The following BCL2L13 variants were observed in gnomAD, a reference collection of about 807,000 sequenced individuals.
BCL2L13 encodes bcl-2-like protein 13.
BCL2L13 carries 13 observed loss-of-function variants against 25.8 expected under a neutral mutation model. That is an observed-to-expected ratio of 0.50 (90% CI 0.33 to 0.80). BCL2L13 has a LOEUF of 0.80. Ranked by LOEUF, BCL2L13 falls within the 30% of genes least tolerant of loss-of-function variation. BCL2L13 has a pLI of 0.02. For missense variants in BCL2L13, 504 were observed against 574.9 expected, an observed-to-expected ratio of 0.88 and a Z score of 1.26; for synonymous variants, 244 against 230.3, an observed-to-expected ratio of 1.06 and a Z score of -0.54.
chr22:17,690,240 C>T (rs1275955836), intron 4 of BCL2L13, among the ~76,000 whole-genome samples: 2 of 151,946 alleles, frequency 1.3e-5, no homozygotes, highest in Non-Finnish European at 2.9e-5. Context: ...GCAGGAGTAT[C>T]GCTTGAACCC....
At chr22:17,710,495 G>A (rs1000680256) in intron 6 of BCL2L13, among the ~76,000 whole-genome samples, 6 of 152,072 alleles carry the variant, frequency 3.9e-5, no homozygotes, top group East Asian at 1.9e-4. Context: ...CAGGGGAATC[G>A]CTTGAACTTG....
At chr22:17,675,926 GAC>G (rs1370140885) in intron 2 of BCL2L13, among the ~76,000 whole-genome samples, 1 of 152,178 alleles carries the variant, frequency 6.6e-6, no homozygotes. Flanking sequence ...TATCTAAACT[GAC>G]AGAGGTTGTC....
In BCL2L13 at chr22:17,727,938, G is replaced by A. The variant is rs2587100; in HGVS notation, c.*404G>A. ...GTCTCTAGACATTGCCAAATGTCCC[G>A]TGTGAACATCCCCTATTGAGACCCA... On this transcript the variant is annotated 3_prime_UTR_variant, in exon 7 of 7. Transcript: ENST00000317582. The A allele has an allele frequency of 1.5e-4, 31 of 209,438 alleles. No individual in the cohort carries two copies. Among genetic ancestry groups the A allele is most frequent in the South Asian group, 3.8e-4 (4 of 10,472 alleles). 13.0% of individuals were successfully genotyped at this position (209,438 alleles called of 1,614,324 possible). A position where few individuals can be genotyped will look rare whatever the true frequency, so the allele number is the denominator to read the frequency against.
At chr22:17,641,989 C>CG (rs1163295055) in intron 1 of BCL2L13, among the ~76,000 whole-genome samples, 5 of 151,438 alleles carry the variant, frequency 3.3e-5, no homozygotes, top group Non-Finnish European at 5.9e-5. Flanking sequence ...TTAGTAAAGA[C>CG]GGGGTTTCAC....
intron 1 of BCL2L13, among the ~76,000 whole-genome samples, chr22:17,647,404 C>T (rs938665305): frequency 2.0e-5 from 3 of 152,074 alleles, no homozygotes; most frequent in Admixed American, 6.6e-5. Context: ...GATGGTCCCG[C>T]GTCATAATTA....
intron 1 of BCL2L13, among the ~76,000 whole-genome samples, chr22:17,648,594 T>C (rs1434693109): frequency 1.3e-5 from 2 of 152,112 alleles, no homozygotes; most frequent in African/African-American, 2.4e-5. Context: ...AGGTCTGTTA[T>C]GTTTATAACC....
intron 5 of BCL2L13, among the ~76,000 whole-genome samples, chr22:17,701,915 CAAAA>C (rs5844321): frequency 5.7e-5 from 6 of 104,448 alleles, no homozygotes; most frequent in African/African-American, 1.0e-4. Context: ...GACTCCATCT[CAAAA>C]AAAAAAAAAA....
Position 17,727,497 on chromosome 22 carries a change from T to C in BCL2L13, c.1421T>C (p.Val474Ala). Reference sequence around the variant, plus strand: ...GCTGCTGCTGTTGCCATCCTGGCAGTGGCCATCGGGGTAGCCCTGGCTCTG... The same window carrying C: ...GCTGCTGCTGTTGCCATCCTGGCAGCGGCCATCGGGGTAGCCCTGGCTCTG... Reference protein sequence around the residue: ...GGAAAVAILAVAIGVALALRK... With the variant: ...GGAAAVAILAAAIGVALALRK... The change falls in exon 7 of 7, where the codon GTG becomes GCG. Residue 474 changes from valine to alanine, a missense_variant. Physicochemically the swap from Val to Ala is moderately conservative, Grantham distance 64. Coordinates refer to ENST00000317582, the MANE Select transcript of BCL2L13 (RefSeq NM_015367.4). The C allele has an allele frequency of 1.2e-6, 2 of 1,614,252 alleles. No homozygotes were observed. The highest frequency in any genetic ancestry group is 2.2e-5 in the South Asian group (2 of 91,084).
At chr22:17,706,818 C>T (rs976560014) in intron 6 of BCL2L13, 3 of 1,351,962 alleles carry the variant, frequency 2.2e-6, no homozygotes, top group South Asian at 1.1e-5. Flanking sequence ...CAGAGCAAGT[C>T]CACTGTGGTA....
At chr22:17,628,998 C>G (rs1201934312) in exon 1 of BCL2L13, 1 of 339,074 alleles carries the variant, frequency 2.9e-6, no homozygotes, top group Admixed American at 3.9e-5. Flanking sequence ...TTGAGGAGTA[C>G]TGGTTAGGTA....
chr22:17,681,109 G>A (rs1195637595), intron 2 of BCL2L13, among the ~76,000 whole-genome samples: 1 of 152,160 alleles, frequency 6.6e-6, no homozygotes, highest in Non-Finnish European at 1.5e-5. Context: ...TGCTCATTAA[G>A]TCAGGTTACC....
At position 17,728,875 on chromosome 22, in the gene BCL2L13, C is replaced by G. The variant is rs780958068; in HGVS notation, c.*1341C>G. 3 of 152,282 alleles carry G rather than the reference C, an allele frequency of 2.0e-5. No homozygotes were observed. The highest frequency in any genetic ancestry group is 4.4e-5 in the Non-Finnish European group (3 of 68,032). 9.4% of individuals were successfully genotyped at this position (152,282 alleles called of 1,614,324 possible). Reference sequence around the variant, plus strand: ...GCTAGTTGAGCATCGGCATAATTTTCTTTCCTCTGGCTGATCCCAGCCCTA... The same window carrying G: ...GCTAGTTGAGCATCGGCATAATTTTGTTTCCTCTGGCTGATCCCAGCCCTA... On this transcript the variant is annotated 3_prime_UTR_variant, in exon 7 of 7. Coordinates refer to ENST00000317582, the MANE Select transcript of BCL2L13 (RefSeq NM_015367.4).
At chr22:17,698,960 A>G (rs1371764353) in intron 5 of BCL2L13, among the ~76,000 whole-genome samples, 2 of 152,204 alleles carry the variant, frequency 1.3e-5, no homozygotes, top group African/African-American at 2.4e-5. Flanking sequence ...TAATTCAGTT[A>G]CAAGTTATTT....
intron 5 of BCL2L13, among the ~76,000 whole-genome samples, chr22:17,698,547 C>G (rs1363582486): frequency 8.0e-6 from 1 of 124,350 alleles, no homozygotes; most frequent in African/African-American, 2.9e-5. Context: ...ATAGCAAGAC[C>G]CTGTCTCTTA....
intron 2 of BCL2L13, among the ~76,000 whole-genome samples, chr22:17,665,633 C>G (rs2059211145): frequency 6.6e-6 from 1 of 152,136 alleles, no homozygotes; most frequent in African/African-American, 2.4e-5. Context: ...TGGGACACAG[C>G]CAAACCATAT....
chr22:17,691,473 C>T (rs976932670), intron 4 of BCL2L13, among the ~76,000 whole-genome samples: 2 of 152,044 alleles, frequency 1.3e-5, no homozygotes, highest in Non-Finnish European at 2.9e-5. Flanking sequence ...AGTGAAACCC[C>T]GTCTCTACTA....
intron 6 of BCL2L13, among the ~76,000 whole-genome samples, chr22:17,715,175 T>A (rs1425949953): frequency 7.7e-5 from 2 of 26,116 alleles, no homozygotes; most frequent in African/African-American, 1.6e-4. Context: ...TATATATTTT[T>A]TTTTTTTTTT....
upstream of BCL2L13, chr22:17,638,715 G>T: frequency 8.1e-7 from 1 of 1,231,718 alleles, no homozygotes; most frequent in Non-Finnish European, 1.0e-6. Context: ...TTCAGGTCCC[G>T]CCCCGACGCC....
chr22:17,713,977 C>A (rs1401847713), intron 6 of BCL2L13, among the ~76,000 whole-genome samples: 6 of 151,416 alleles, frequency 4.0e-5, no homozygotes, highest in Admixed American at 2.0e-4. Flanking sequence ...TACCCTATTT[C>A]TACCAAAAGT....
Sources: allele counts gnomAD v4.1 joint callset (sites outside exome capture counted in the v4.1 genomes callset), GRCh38; gene constraint gnomAD v4.1.1; transcripts MANE v1.5; gene names NCBI Gene and HGNC (gene_info 2026-07-23, HGNC 2026-07-21).